The following GNB4 variants were observed in gnomAD, a reference collection of about 807,000 sequenced individuals.
GNB4 encodes G protein subunit beta 4.
A neutral mutation model predicts 45.2 loss-of-function variants in GNB4; 28 were observed. The ratio of observed to expected loss-of-function variants is 0.62; its 90% CI spans 0.46 to 0.85. GNB4 has a LOEUF of 0.85. Ranked by LOEUF, GNB4 falls within the 40% of genes least tolerant of loss-of-function variation. The probability of loss-of-function intolerance (pLI) is 0.00; values close to 1 mark genes in which losing one functional copy is unlikely to be tolerated. For missense variants in GNB4, 321 were observed against 425.4 expected (o/e 0.75, Z 2.16); for synonymous variants, 132 against 143.7 (o/e 0.92, Z 0.58).
intron 1 of GNB4, among the ~76,000 whole-genome samples, chr3:179,444,728 C>T (rs1715677024): frequency 6.6e-6 from 1 of 152,006 alleles, no homozygotes; most frequent in Non-Finnish European, 1.5e-5. Flanking sequence ...TATATACATG[C>T]ATACATATAT....
chr3:179,430,047 T>TTG (rs1213462487), intron 1 of GNB4, among the ~76,000 whole-genome samples: 77 of 136,378 alleles, frequency 5.6e-4, no homozygotes, highest in East Asian at 2.3e-3. Flanking sequence ...CTCATCTTCC[T>TTG]TGTGTGTGTG....
chr3:179,492,033 A>G, the GNB4 span, among the ~76,000 whole-genome samples: 3 of 152,242 alleles, frequency 2.0e-5, no homozygotes, highest in Non-Finnish European at 2.9e-5. Context: ...ATGAAGAAAT[A>G]GCAGAAACCA....
At chr3:179,524,164 C>T in the GNB4 span, among the ~76,000 whole-genome samples, 1 of 152,262 alleles carries the variant, frequency 6.6e-6, no homozygotes, top group Non-Finnish European at 1.5e-5. Context: ...GTCCACGAGG[C>T]TTCTGAGGTG....
the GNB4 span, among the ~76,000 whole-genome samples, chr3:179,519,582 T>C: frequency 0.091 from 13,812 of 152,138 alleles, 1,575 homozygotes; most frequent in African/African-American, 0.27. Flanking sequence ...TTATGCACTC[T>C]TTTTTAGTTA....
the GNB4 span, among the ~76,000 whole-genome samples, chr3:179,525,797 A>G: frequency 6.6e-6 from 1 of 152,300 alleles, no homozygotes; most frequent in Admixed American, 6.5e-5. Context: ...GCTGGAGAAG[A>G]GAGTGAAAAG....
At position 179,423,783 on chromosome 3, in the gene GNB4, A is replaced by AT. The variant is rs1428537516; in HGVS notation, c.57+2360dup. Among the ~76,000 whole-genome samples, 1,026 of 113,998 alleles carry AT rather than the reference A, an allele frequency of 9.0e-3. 15 individuals carry two copies. The highest frequency in any genetic ancestry group is 0.036 in the African/African-American group (989 of 27,382). 74.8% of individuals were successfully genotyped at this position (113,998 alleles called of 152,430 possible). A position where few individuals can be genotyped will look rare whatever the true frequency, so the allele number is the denominator to read the frequency against. ...GCGACTGAGACTCCGTCTCACTCTG[A>AT]TTTAAAAAAAAAAAAAAGATAAATC... On this transcript the variant is annotated intron_variant, in intron 2 of 9. Transcript: ENST00000232564.
At chr3:179,526,084 C>G in the GNB4 span, among the ~76,000 whole-genome samples, 1 of 152,124 alleles carries the variant, frequency 6.6e-6, no homozygotes, top group Admixed American at 6.5e-5. Context: ...TAGGGTGGGG[C>G]CGTTTTATAA....
At chr3:179,519,246 C>T in the GNB4 span, among the ~76,000 whole-genome samples, 1 of 152,234 alleles carries the variant, frequency 6.6e-6, no homozygotes, top group African/African-American at 2.4e-5. Context: ...CTGTTCAACT[C>T]ACCCGGTAGC....
the GNB4 span, among the ~76,000 whole-genome samples, chr3:179,489,003 AAAAAAAAAAAAAAAAAATAT>A: frequency 2.7e-5 from 1 of 36,980 alleles, no homozygotes; most frequent in African/African-American, 1.3e-4. Flanking sequence ...AAAAAAAAAA[AAAAAAAAAAAAAAAAAATAT>A]ATATATATAT....
chr3:179,502,740 T>C, the GNB4 span, among the ~76,000 whole-genome samples: 1 of 152,236 alleles, frequency 6.6e-6, no homozygotes, highest in Non-Finnish European at 1.5e-5. Flanking sequence ...TAAAATCTTC[T>C]GATTAGGTGG....
chr3:179,449,163 G>C (rs1715808641), intron 1 of GNB4, among the ~76,000 whole-genome samples: 1 of 152,160 alleles, frequency 6.6e-6, no homozygotes, highest in African/African-American at 2.4e-5. Context: ...AATCCTGTTT[G>C]TAACCTTCCA....
intron 9 of GNB4, among the ~76,000 whole-genome samples, chr3:179,403,824 G>A (rs13082477): frequency 3.7e-5 from 3 of 81,666 alleles, no homozygotes; most frequent in South Asian, 4.0e-4. Context: ...ATAAAATAAA[G>A]TTAAGTAAAA....
At chr3:179,506,170 C>T in the GNB4 span, among the ~76,000 whole-genome samples, 2 of 151,964 alleles carry the variant, frequency 1.3e-5, no homozygotes, top group Non-Finnish European at 2.9e-5. Context: ...TGGTAAAACC[C>T]TGTGTCAATA....
the GNB4 span, among the ~76,000 whole-genome samples, chr3:179,477,953 T>C: frequency 6.6e-6 from 1 of 152,190 alleles, no homozygotes; most frequent in African/African-American, 2.4e-5. Flanking sequence ...TTAGTCTGTT[T>C]TGTGTTGCTG....
chr3:179,432,585 T>C (rs1715338466), intron 1 of GNB4, among the ~76,000 whole-genome samples: 1 of 152,170 alleles, frequency 6.6e-6, no homozygotes, highest in African/African-American at 2.4e-5. Flanking sequence ...CTAGTAAATA[T>C]GTTTTGAAGG....
intron 9 of GNB4, among the ~76,000 whole-genome samples, chr3:179,403,807 A>AAAAT (rs1238633920): frequency 1.4e-5 from 2 of 148,116 alleles, no homozygotes; most frequent in Non-Finnish European, 3.0e-5. Context: ...CAAAAAAATA[A>AAAAT]AATAAAATAA....
rs1037358426 is a variant in GNB4 at position 179,397,134 on chromosome 3, A to G, written c.*4079T>C. On this transcript the variant is annotated 3_prime_UTR_variant, in exon 10 of 10. Coordinates refer to ENST00000232564, the MANE Select transcript of GNB4 (RefSeq NM_021629.4). ...CAGAAAGAACATCGTCACTATTAAA[A>G]TGATGACAGGCCCAAATGGGGGATT... The G allele has an allele frequency of 2.0e-5, 3 of 152,244 alleles. No homozygotes were observed. Among genetic ancestry groups the G allele is most frequent in the Non-Finnish European group, 4.4e-5 (3 of 68,040 alleles). The allele number at this position is 152,244 out of a possible 1,614,324, so 9.4% of individuals were successfully genotyped here.
chr3:179,398,118 A>G lies in GNB4; in HGVS notation c.*3095T>C, dbSNP rs1196541049. 2 of 152,200 alleles carry G rather than the reference A, an allele frequency of 1.3e-5. No homozygotes were observed. The highest frequency in any genetic ancestry group is 1.5e-5 in the Non-Finnish European group (1 of 68,048). The allele number at this position is 152,200 out of a possible 1,614,324, so 9.4% of individuals were successfully genotyped here. A position where few individuals can be genotyped will look rare whatever the true frequency, so the allele number is the denominator to read the frequency against. ...TTAGAAAAGAATATGTATCTCTAAA[A>G]TATTCTTGCCAGATCTCAAAAAACT... is the stretch of plus-strand genomic sequence containing the variant. On this transcript the variant is annotated 3_prime_UTR_variant, in exon 10 of 10. Transcript: ENST00000232564.
chr3:179,453,822 TTGCCATACC>T (rs1715938953), upstream of GNB4, among the ~76,000 whole-genome samples: 1 of 151,916 alleles, frequency 6.6e-6, no homozygotes, highest in African/African-American at 2.4e-5. Context: ...TATTTCTGTT[TTGCCATACC>T]TGCTCCATAT....
Sources: allele counts gnomAD v4.1 joint callset (sites outside exome capture counted in the v4.1 genomes callset), GRCh38; gene constraint gnomAD v4.1.1; transcripts MANE v1.5; gene names NCBI Gene and HGNC (gene_info 2026-07-23, HGNC 2026-07-21).